NLGN1: variants seen among roughly 807,000 people sequenced by gnomAD.
NLGN1 encodes the protein neuroligin 1.
A neutral mutation model predicts 65.5 loss-of-function variants in NLGN1; 12 were observed. The observed-to-expected ratio is 0.18, with a 90% CI of 0.12 to 0.30. NLGN1 has a LOEUF of 0.30. Among genes scored for constraint, NLGN1 ranks in the 10% least tolerant of loss-of-function variants. NLGN1 has a pLI of 1.00. For missense variants in NLGN1, 750 were observed against 1,007.1 expected, an observed-to-expected ratio of 0.74 and a Z score of 3.46; for synonymous variants, 350 against 359.5, an observed-to-expected ratio of 0.97 and a Z score of 0.30.
intron 3 of NLGN1, among the ~76,000 whole-genome samples, chr3:173,678,883 T>C (rs2149774787): frequency 6.6e-6 from 1 of 152,232 alleles, no homozygotes; most frequent in East Asian, 1.9e-4. Flanking sequence ...ACCTATTTTA[T>C]AGACATTTAG....
chr3:173,562,563 A>T (rs915550266), intron 2 of NLGN1, among the ~76,000 whole-genome samples: 3 of 140,906 alleles, frequency 2.1e-5, no homozygotes, highest in Non-Finnish European at 4.6e-5. Flanking sequence ...AAGATTGTCT[A>T]AAAAAAAAAA....
At chr3:173,415,360 T>C (rs1324402209) in intron 1 of NLGN1, among the ~76,000 whole-genome samples, 1 of 152,230 alleles carries the variant, frequency 6.6e-6, no homozygotes, top group Non-Finnish European at 1.5e-5. Flanking sequence ...ACAGGCATTA[T>C]GTCTTTCTCT....
intron 4 of NLGN1, among the ~76,000 whole-genome samples, chr3:174,230,908 T>G (rs1740585329): frequency 6.6e-6 from 1 of 152,200 alleles, no homozygotes; most frequent in African/African-American, 2.4e-5. Context: ...TTTTCTTGTT[T>G]TGTTCAAATG....
chr3:173,968,152 C>T (rs1715294924), intron 4 of NLGN1, among the ~76,000 whole-genome samples: 2 of 152,158 alleles, frequency 1.3e-5, no homozygotes, highest in African/African-American at 4.8e-5. Flanking sequence ...TCCTTGAAAA[C>T]ATCGTGGGGT....
rs1257192623 is a variant in NLGN1, at chr3:173,427,900, G to T, written c.-389-7110G>T. 4.0e-5 allele frequency among the ~76,000 whole-genome samples: 6 copies of T among 149,996 alleles called. No homozygotes were observed. In the East Asian group the frequency reaches 1.2e-3, roughly 29 times the overall value. ...CTGGAGGACTTGTTCATTGCTTAAA[G>T]AGGGGCACTAATGTCTCCTATTATT... On this transcript the variant is annotated intron_variant, in intron 1 of 6. Coordinates refer to ENST00000457714, the Ensembl canonical transcript of NLGN1.
chr3:174,277,500 A>G (rs1444778198), intron 5 of NLGN1, among the ~76,000 whole-genome samples: 1 of 151,930 alleles, frequency 6.6e-6, no homozygotes, highest in Non-Finnish European at 1.5e-5. Flanking sequence ...TATTATAGAA[A>G]TCACCAGGTG....
intron 4 of NLGN1, among the ~76,000 whole-genome samples, chr3:174,097,727 G>A (rs1428062621): frequency 1.3e-5 from 2 of 152,174 alleles, no homozygotes; most frequent in Non-Finnish European, 2.9e-5. Context: ...AAAGAAAGTG[G>A]TTATAAAGAG....
intron 3 of NLGN1, among the ~76,000 whole-genome samples, chr3:173,672,380 A>G (rs1762563412): frequency 6.6e-6 from 1 of 152,186 alleles, no homozygotes; most frequent in African/African-American, 2.4e-5. Context: ...GTGAATAAAG[A>G]CTGGGTGAAA....
chr3:173,406,954 A>G (rs1718817577), intron 1 of NLGN1, among the ~76,000 whole-genome samples: 1 of 152,160 alleles, frequency 6.6e-6, no homozygotes, highest in Non-Finnish European at 1.5e-5. Flanking sequence ...AAGTTCTCTC[A>G]TAATACAATT....
At chr3:173,997,484 T>C (rs554991348) in intron 4 of NLGN1, among the ~76,000 whole-genome samples, 41 of 152,238 alleles carry the variant, frequency 2.7e-4, no homozygotes, top group African/African-American at 9.6e-4. Flanking sequence ...ATTCTAAGAG[T>C]CTTAATGAGA....
chr3:173,706,030 C>T (rs1480149533), intron 3 of NLGN1, among the ~76,000 whole-genome samples: 1 of 152,028 alleles, frequency 6.6e-6, no homozygotes, highest in Non-Finnish European at 1.5e-5. Context: ...AATAATTAAA[C>T]TTCAAATGAT....
chr3:173,838,065 C>T (rs1724003383), intron 4 of NLGN1, among the ~76,000 whole-genome samples: 1 of 152,060 alleles, frequency 6.6e-6, no homozygotes, highest in African/African-American at 2.4e-5. Context: ...AGAGATATTA[C>T]GTGATGACAG....
At chr3:174,144,367 A>G (rs1377500245) in intron 4 of NLGN1, among the ~76,000 whole-genome samples, 1 of 152,222 alleles carries the variant, frequency 6.6e-6, no homozygotes, top group Admixed American at 6.5e-5. Context: ...ATCATGCTGC[A>G]ATAAACATAC....
chr3:174,285,854 A>G (rs1396477757), exon 7 of NLGN1: 4 of 151,492 alleles, frequency 2.6e-5, no homozygotes, highest in Admixed American at 6.6e-5. Context: ...TAGGATGACT[A>G]TATTATAAAT....
chr3:174,116,964 C>T (rs1237725464), intron 4 of NLGN1, among the ~76,000 whole-genome samples: 2 of 151,928 alleles, frequency 1.3e-5, no homozygotes, highest in Non-Finnish European at 2.9e-5. Flanking sequence ...TTTAATAATA[C>T]ATAGGGTTCA....
chr3:173,408,756 C>T (rs1473023169), intron 1 of NLGN1, among the ~76,000 whole-genome samples: 3 of 151,860 alleles, frequency 2.0e-5, no homozygotes, highest in African/African-American at 7.3e-5. Context: ...ACTAAAAATA[C>T]AAAAAATTAG....
chr3:174,090,396 C>A (rs998539031), intron 4 of NLGN1, among the ~76,000 whole-genome samples: 2 of 152,026 alleles, frequency 1.3e-5, no homozygotes, highest in Non-Finnish European at 2.9e-5. Context: ...TCGCTTGAAC[C>A]TGGGAGGTGG....
intron 4 of NLGN1, among the ~76,000 whole-genome samples, chr3:173,961,506 A>G (rs1713555637): frequency 7.0e-6 from 1 of 142,186 alleles, no homozygotes; most frequent in Non-Finnish European, 1.5e-5. Context: ...ATTATAAAGA[A>G]GTCATATATT....
At chr3:173,461,214 A>G (rs1000950993) in intron 2 of NLGN1, among the ~76,000 whole-genome samples, 4 of 152,160 alleles carry the variant, frequency 2.6e-5, no homozygotes, top group Non-Finnish European at 5.9e-5. Flanking sequence ...TTCTGAATCA[A>G]AAGGGTGGTA....
Sources: gnomAD v4.1 joint callset for allele counts (sites outside exome capture counted in the v4.1 genomes callset) on GRCh38, gnomAD v4.1.1 for gene constraint, MANE v1.5 for transcripts, NCBI Gene and HGNC (gene_info 2026-07-23, HGNC 2026-07-21) for gene names.